Variants in TXLNB observed in about 807,000 individuals in gnomAD.
TXLNB encodes taxilin beta, also known as beta-taxilin.
TXLNB carries 37 observed loss-of-function variants against 57.4 expected under a neutral mutation model. The ratio of observed to expected loss-of-function variants is 0.64; its 90% CI spans 0.50 to 0.85. TXLNB has a LOEUF of 0.85. TXLNB is among the 40% of genes least tolerant of loss of function. TXLNB has a pLI of 0.00. For synonymous variants in TXLNB, 302 were observed against 309.6 expected (o/e 0.98, Z 0.26); for missense variants, 848 against 825.6 (o/e 1.03, Z -0.33).
Position 139,290,922 on chromosome 6 carries a change from A to G in TXLNB, c.-15+999T>C, listed in dbSNP as rs1397373019. Among the ~76,000 whole-genome samples, 3 of 152,262 alleles carry G rather than the reference A, an allele frequency of 2.0e-5. No homozygotes were observed. The South Asian group carries it at 6.2e-4, about 31-fold the overall frequency. ...TGAATGCTCAGACACCAACAAGAAC[A>G]GAAAATTCAACACACAGATGTTGCC... On this transcript the variant is annotated intron_variant, in intron 1 of 9. Coordinates refer to ENST00000358430, the MANE Select transcript of TXLNB (RefSeq NM_153235.4).
At chr6:139,305,511 CA>C in the TXLNB span, among the ~76,000 whole-genome samples, 3 of 152,022 alleles carry the variant, frequency 2.0e-5, no homozygotes, top group Non-Finnish European at 4.4e-5. Context: ...GACCATGGAA[CA>C]AAGTCTCATT....
chr6:139,255,239 G>A (rs905791004), intron 7 of TXLNB: 3 of 362,316 alleles, frequency 8.3e-6, no homozygotes, highest in Non-Finnish European at 1.6e-5. Flanking sequence ...GGCAATGAGA[G>A]GGGAAGTACG....
the TXLNB span, among the ~76,000 whole-genome samples, chr6:139,165,703 C>G: frequency 2.0e-5 from 3 of 151,970 alleles, no homozygotes; most frequent in African/African-American, 7.3e-5. Context: ...GTTCCCATAT[C>G]CATGAATCAT....
At chr6:139,160,906 AGCATTTTATC>A in the TXLNB span, among the ~76,000 whole-genome samples, 1 of 152,234 alleles carries the variant, frequency 6.6e-6, no homozygotes, top group Non-Finnish European at 1.5e-5. Context: ...GAATAGGGCA[AGCATTTTATC>A]CCCACTTTAC....
chr6:139,231,213 G>C, the TXLNB span, among the ~76,000 whole-genome samples: 1 of 152,076 alleles, frequency 6.6e-6, no homozygotes, highest in Non-Finnish European at 1.5e-5. Flanking sequence ...TGGAGATCTG[G>C]GTATCATTTC....
the TXLNB span, among the ~76,000 whole-genome samples, chr6:139,217,264 A>G: frequency 6.6e-6 from 1 of 152,156 alleles, no homozygotes; most frequent in Non-Finnish European, 1.5e-5. Context: ...TTTTGACTGC[A>G]TCATGGGAAT....
chr6:139,233,891 A>C, the TXLNB span, among the ~76,000 whole-genome samples: 1 of 152,176 alleles, frequency 6.6e-6, no homozygotes, highest in East Asian at 1.9e-4. Context: ...GGCTCGGAAG[A>C]TGTGGGAAAG....
chr6:139,174,705 A>G, the TXLNB span: 17 of 960,962 alleles, frequency 1.8e-5, no homozygotes, highest in African/African-American at 2.1e-4. Flanking sequence ...TCAGTCATTA[A>G]AAGGAATACT....
At chr6:139,280,676 A>AT (rs11380166) in intron 2 of TXLNB, among the ~76,000 whole-genome samples, 44,632 of 150,732 alleles carry the variant, frequency 0.3, 6,865 homozygotes, top group African/African-American at 0.39. Context: ...CTCTTCCAAA[A>AT]TTTTTTTTTT....
chr6:139,202,500 T>C, the TXLNB span, among the ~76,000 whole-genome samples: 18 of 152,366 alleles, frequency 1.2e-4, no homozygotes, highest in African/African-American at 4.1e-4. Context: ...ATATTGTCTC[T>C]GTGTAGTACA....
chr6:139,166,334 C>T, the TXLNB span: 2 of 1,613,412 alleles, frequency 1.2e-6, no homozygotes, highest in South Asian at 2.2e-5. Flanking sequence ...GCCGGTGGAC[C>T]TGGAGAAGGA....
the TXLNB span, among the ~76,000 whole-genome samples, chr6:139,302,095 A>G: frequency 1.3e-5 from 2 of 152,144 alleles, no homozygotes; most frequent in Non-Finnish European, 2.9e-5. Flanking sequence ...GTATTTGAAT[A>G]TTTTGCTTAG....
chr6:139,269,310 C>T (rs1167199328), intron 4 of TXLNB: 8 of 152,198 alleles, frequency 5.3e-5, no homozygotes, highest in Admixed American at 5.2e-4. Context: ...TTAATTTTAT[C>T]TCCTTACTGT....
At position 139,242,718 on chromosome 6, in the gene TXLNB, G is replaced by C. The variant is rs1165699167; in HGVS notation, c.1863C>G (p.Ala621=). ...CATCTGCCTCCATCTTCTGTAGGGA[G>C]GCCTCGGTGGGAGCCTGTGGGGCCT... The part of the protein sequence containing the change: ...SGQAPQAPTE[A]SLQKMEADVP... Residue 621 remains alanine, a synonymous_variant, in exon 10 of 10, where the codon GCC becomes GCG. Coordinates refer to ENST00000358430, the MANE Select transcript of TXLNB (RefSeq NM_153235.4). The C allele has an allele frequency of 1.3e-5, 21 of 1,612,594 alleles. No individual in the cohort carries two copies. Among genetic ancestry groups the C allele is most frequent in the Non-Finnish European group, 1.7e-5 (20 of 1,179,582 alleles).
intron 7 of TXLNB, among the ~76,000 whole-genome samples, chr6:139,248,763 T>C (rs1336759900): frequency 6.6e-6 from 1 of 152,048 alleles, no homozygotes; most frequent in South Asian, 2.1e-4. Flanking sequence ...GTGAGCCACA[T>C]GTTTATGGAG....
At chr6:139,194,915 G>A in the TXLNB span, among the ~76,000 whole-genome samples, 1 of 152,206 alleles carries the variant, frequency 6.6e-6, no homozygotes, top group Non-Finnish European at 1.5e-5. Flanking sequence ...GTTGCCACTT[G>A]TATTTGTTTT....
At chr6:139,164,096 T>TCTCC in the TXLNB span, among the ~76,000 whole-genome samples, 1 of 151,576 alleles carries the variant, frequency 6.6e-6, no homozygotes, top group African/African-American at 2.4e-5. Flanking sequence ...TCTCTCTCTC[T>TCTCC]CTCTGAGCAT....
chr6:139,253,347 GC>G (rs1776257258), intron 7 of TXLNB, among the ~76,000 whole-genome samples: 1 of 152,180 alleles, frequency 6.6e-6, no homozygotes. Flanking sequence ...CAGTTGCTGA[GC>G]AAGAGGTGAA....
chr6:139,215,583 A>G, the TXLNB span, among the ~76,000 whole-genome samples: 1 of 152,220 alleles, frequency 6.6e-6, no homozygotes, highest in Non-Finnish European at 1.5e-5. Flanking sequence ...CTTCATATCT[A>G]AAACACCAAA....
Sources: allele counts gnomAD v4.1 joint callset (sites outside exome capture counted in the v4.1 genomes callset), GRCh38; gene constraint gnomAD v4.1.1; transcripts MANE v1.5; gene names NCBI Gene and HGNC (gene_info 2026-07-23, HGNC 2026-07-21).